ALPK2: variants seen among roughly 807,000 people sequenced by gnomAD.
ALPK2 encodes the protein alpha kinase 2.
ALPK2 carries 127 observed loss-of-function variants against 163.1 expected under a neutral mutation model. The ratio of observed to expected loss-of-function variants is 0.78; its 90% CI spans 0.67 to 0.90. The LOEUF is 0.90. Among genes scored for constraint, ALPK2 ranks in the 40% least tolerant of loss-of-function variants. ALPK2 has a pLI of 0.00. For synonymous variants in ALPK2, 953 were observed against 959.1 expected, an observed-to-expected ratio of 0.99 and a Z score of 0.12; for missense variants, 2,360 against 2,589.6, an observed-to-expected ratio of 0.91 and a Z score of 1.92.
rs1285246869 is a variant in ALPK2 at position 58,580,400 on chromosome 18, T to G, written c.376A>C (p.Lys126Gln). 1.2e-6 allele frequency: 2 copies of G among 1,614,064 alleles called. No homozygotes were observed. Residue 126 changes from lysine to glutamine, a missense_variant, in exon 4 of 13, where the codon AAA (lysine) becomes CAA (glutamine). Physicochemically the swap from Lys to Gln is moderately conservative, Grantham distance 53. Coordinates refer to ENST00000361673, the MANE Select transcript of ALPK2 (RefSeq NM_052947.4). Reference protein sequence around the residue: ...NLEDDRDRGWKHETGTHEEER... With the variant: ...NLEDDRDRGWQHETGTHEEER... ...TCTTCATGTGTCCCTGTTTCATGTT[T>G]CCAACCCCTGTCCCTGTCATCTTCC...
rs750343607 is a variant in ALPK2, at chr18:58,523,853, C to T, written c.5630-12G>A. Reference sequence around the variant, plus strand: ...CAGCTGTTTGAGAACTAGAAGAAGACAAAGCAGAGAATGGCTTCAGTACAG... The same window carrying T: ...CAGCTGTTTGAGAACTAGAAGAAGATAAAGCAGAGAATGGCTTCAGTACAG... On this transcript the variant is annotated splice_polypyrimidine_tract_variant and intron_variant, in intron 7 of 12. Coordinates refer to ENST00000361673, the MANE Select transcript of ALPK2 (RefSeq NM_052947.4). 1 of 1,614,186 alleles carries T rather than the reference C, an allele frequency of 6.2e-7. No individual in the cohort carries two copies. The highest frequency in any genetic ancestry group is 1.1e-5 in the South Asian group (1 of 91,082).
chr18:58,577,423 G>A (rs1396277021), intron 4 of ALPK2, among the ~76,000 whole-genome samples: 2 of 152,162 alleles, frequency 1.3e-5, no homozygotes, highest in Non-Finnish European at 2.9e-5. Flanking sequence ...GTGGATAAAT[G>A]ACTGTAAAAA....
At chr18:58,512,738 TTA>T (rs2051497169) in intron 10 of ALPK2, among the ~76,000 whole-genome samples, 1 of 123,632 alleles carries the variant, frequency 8.1e-6, no homozygotes, top group African/African-American at 2.6e-5. Context: ...GGTGTGTGTG[TTA>T]TGTGGTGTGT....
rs143900783 is a variant in ALPK2, at chr18:58,536,880, C to G, written c.3307G>C (p.Val1103Leu). ...CTCTTATCTCCAGACAGGTTATCAA[C>G]CTGAAGAGGGGAATTACTGCAGAAA... is the stretch of plus-strand genomic sequence containing the variant. ...EGFCSNSPLQ[V>L]DNLSGDKSQT... Residue 1103 changes from valine (V) to leucine (L), a missense_variant, in exon 5 of 13, where the codon GTT becomes CTT. Val to Leu is a conservative substitution (Grantham distance 32). Coordinates refer to ENST00000361673, the MANE Select transcript of ALPK2 (RefSeq NM_052947.4). 1 of 1,614,120 alleles carries G rather than the reference C, an allele frequency of 6.2e-7. No homozygotes were observed.
chr18:58,563,435 T>C (rs1211012154), intron 4 of ALPK2, among the ~76,000 whole-genome samples: 2 of 152,230 alleles, frequency 1.3e-5, no homozygotes, highest in Non-Finnish European at 2.9e-5. Flanking sequence ...GTATTGTCAG[T>C]TACCTTAGGT....
chr18:58,616,938 T>C (rs1418839163), intron 1 of ALPK2, among the ~76,000 whole-genome samples: 4 of 152,030 alleles, frequency 2.6e-5, no homozygotes, highest in African/African-American at 7.2e-5. Context: ...CCTTGGGGAC[T>C]GGGCCCACAA....
chr18:58,572,768 G>A (rs143756357), intron 4 of ALPK2, among the ~76,000 whole-genome samples: 1 of 152,312 alleles, frequency 6.6e-6, no homozygotes, highest in African/African-American at 2.4e-5. Flanking sequence ...AGGGATCTTT[G>A]TGGTAATGGA....
In ALPK2 at chr18:58,537,036, A is replaced by C. The variant is rs1276843477; in HGVS notation, c.3151T>G (p.Phe1051Val). ...PRASHEKVSQ[F>V]PSQVQLDHIL... is the part of the protein sequence containing the mutation. ...TGATCCAACTGCACTTGGGAAGGAA[A>C]TTGGGAAACCTTTTCATGGGATGCA... The change falls in exon 5 of 13, where the codon TTT (phenylalanine) becomes GTT (valine). Residue 1051 changes from phenylalanine (F) to valine (V), a missense_variant. Transcript: ENST00000361673. 6.2e-7 allele frequency: 1 copy of C among 1,613,924 alleles called. No homozygotes were observed.
At chr18:58,574,808 G>A (rs2051910585) in intron 4 of ALPK2, among the ~76,000 whole-genome samples, 1 of 152,180 alleles carries the variant, frequency 6.6e-6, no homozygotes, top group African/African-American at 2.4e-5. Flanking sequence ...CTAATAGGAA[G>A]CACGTCCTAT....
At position 58,593,274 on chromosome 18, in the gene ALPK2, GA is replaced by G. The variant is rs1271275946; in HGVS notation, c.228-12727del. Among the ~76,000 whole-genome samples the G allele has an allele frequency of 7.2e-5, 11 of 152,008 alleles. No homozygotes were observed. The South Asian group carries it at 2.1e-3, about 29-fold the overall frequency. ...TCTAAAATTAAAGTCTATTTAAAAA[GA>G]AAAAAAGGGGCTGGGTGCAGGGGCT... On this transcript the variant is annotated intron_variant, in intron 3 of 12. Coordinates refer to ENST00000361673, the MANE Select transcript of ALPK2 (RefSeq NM_052947.4).
At position 58,506,243 on chromosome 18, in the gene ALPK2, T is replaced by C. The variant is rs192390575; in HGVS notation, c.6030-2095A>G. Among the ~76,000 whole-genome samples, 135 of 150,976 alleles carry C rather than the reference T, an allele frequency of 8.9e-4. 2 individuals carry two copies. The highest frequency in any genetic ancestry group is 3.0e-3 in the African/African-American group (125 of 41,134). ...AGGGGAGGGAGGGAGGAGGGTAAGG[T>C]TGAAAAACTACCTATTGGGTGCCAT... On this transcript the variant is annotated intron_variant, in intron 10 of 12. Coordinates refer to ENST00000361673, the MANE Select transcript of ALPK2 (RefSeq NM_052947.4).
intron 1 of ALPK2, among the ~76,000 whole-genome samples, chr18:58,614,915 C>G (rs918493641): frequency 4.6e-5 from 7 of 152,188 alleles, no homozygotes; most frequent in Non-Finnish European, 7.3e-5. Flanking sequence ...CACCCTCCCC[C>G]CCAACACACA....
At chr18:58,509,403 A>G (rs1011415004) in intron 10 of ALPK2, among the ~76,000 whole-genome samples, 3 of 152,086 alleles carry the variant, frequency 2.0e-5, no homozygotes, top group African/African-American at 7.2e-5. Flanking sequence ...ATACCCAGTA[A>G]TGGGATGGCT....
intron 12 of ALPK2, among the ~76,000 whole-genome samples, chr18:58,496,114 T>G (rs2144105109): frequency 6.6e-6 from 1 of 152,252 alleles, no homozygotes; most frequent in East Asian, 1.9e-4. Flanking sequence ...AGGCATAAAA[T>G]GGTACCATCA....
chr18:58,510,365 T>C (rs1278006287), intron 10 of ALPK2, among the ~76,000 whole-genome samples: 2 of 152,222 alleles, frequency 1.3e-5, no homozygotes, highest in Non-Finnish European at 2.9e-5. Context: ...CTTGGCAATG[T>C]GGGCTCTTTT....
chr18:58,622,163 A>G (rs1269382838), intron 1 of ALPK2, among the ~76,000 whole-genome samples: 1 of 152,110 alleles, frequency 6.6e-6, no homozygotes, highest in Admixed American at 6.5e-5. Flanking sequence ...CCTGGCCAAC[A>G]TGGTGAAACC....
At chr18:58,559,518 C>T (rs962934474) in intron 4 of ALPK2, among the ~76,000 whole-genome samples, 3 of 152,202 alleles carry the variant, frequency 2.0e-5, no homozygotes, top group African/African-American at 4.8e-5. Context: ...GGAGTCCACC[C>T]CATCACAGTC....
chr18:58,567,595 T>C (rs1007816864), intron 4 of ALPK2, among the ~76,000 whole-genome samples: 7 of 152,192 alleles, frequency 4.6e-5, no homozygotes, highest in African/African-American at 1.4e-4. Context: ...GACATGTTTC[T>C]GTAATGAGTT....
At chr18:58,575,717 T>G (rs542359944) in intron 4 of ALPK2, among the ~76,000 whole-genome samples, 4 of 152,310 alleles carry the variant, frequency 2.6e-5, no homozygotes, top group Non-Finnish European at 5.9e-5. Flanking sequence ...CAAGTTAGCC[T>G]GGGGTACCCT....
Sources: gnomAD v4.1 joint callset for allele counts (sites outside exome capture counted in the v4.1 genomes callset) on GRCh38, gnomAD v4.1.1 for gene constraint, MANE v1.5 for transcripts, NCBI Gene and HGNC (gene_info 2026-07-23, HGNC 2026-07-21) for gene names.